The following CDH13 variants were observed in gnomAD, a reference collection of about 807,000 sequenced individuals.
CDH13 encodes the protein cadherin 13, also known as cadherin-13.
A neutral mutation model predicts 63.8 loss-of-function variants in CDH13; 24 were observed. That is an observed-to-expected ratio of 0.38 (90% CI 0.27 to 0.53). CDH13 has a LOEUF of 0.53. Ranked by LOEUF, CDH13 falls within the 20% of genes least tolerant of loss-of-function variation. CDH13 has a pLI of 0.85. For missense variants in CDH13, 1,049 were observed against 903.1 expected (o/e 1.16, Z -2.07); for synonymous variants, 503 against 355.3 (o/e 1.42, Z -4.67).
At chr16:82,741,502 A>C (rs12932668) in intron 1 of CDH13, among the ~76,000 whole-genome samples, 12,150 of 152,274 alleles carry the variant, frequency 0.08, 620 homozygotes, top group Middle Eastern at 0.17. Context: ...TTAGTCATTC[A>C]TGCGCCTTTT....
chr16:83,701,568 C>G (rs1448048930), intron 10 of CDH13, among the ~76,000 whole-genome samples: 1 of 152,172 alleles, frequency 6.6e-6, no homozygotes, highest in African/African-American at 2.4e-5. Flanking sequence ...CCTGGAGTCT[C>G]TGCATGCCTT....
intron 7 of CDH13, among the ~76,000 whole-genome samples, chr16:83,539,842 C>G (rs1475145503): frequency 6.6e-6 from 1 of 152,100 alleles, no homozygotes; most frequent in African/African-American, 2.4e-5. Flanking sequence ...AATATTTTAG[C>G]TTAATATTTG....
At chr16:83,371,468 A>G (rs75913230) in intron 6 of CDH13, among the ~76,000 whole-genome samples, 19,955 of 152,184 alleles carry the variant, frequency 0.13, 2,205 homozygotes, top group African/African-American at 0.3. Context: ...TGAAAATGCA[A>G]TGTTTATTAT....
chr16:82,957,891 G>T (rs1327057221), intron 2 of CDH13, among the ~76,000 whole-genome samples: 1 of 152,136 alleles, frequency 6.6e-6, no homozygotes, highest in Non-Finnish European at 1.5e-5. Context: ...CATGATAGCT[G>T]GAAAATGTGC....
chr16:82,981,087 G>A (rs1379555679), intron 2 of CDH13, among the ~76,000 whole-genome samples: 1 of 152,070 alleles, frequency 6.6e-6, no homozygotes, highest in African/African-American at 2.4e-5. Context: ...CCCATTCTAG[G>A]TGGTTTCCAA....
intron 1 of CDH13, among the ~76,000 whole-genome samples, chr16:82,641,283 G>C (rs1042548769): frequency 2.6e-5 from 4 of 152,210 alleles, no homozygotes; most frequent in Non-Finnish European, 4.4e-5. Flanking sequence ...ATGGGGAGCA[G>C]TCATGACTTT....
intron 2 of CDH13, among the ~76,000 whole-genome samples, chr16:82,892,994 A>G (rs1014925660): frequency 6.6e-6 from 1 of 152,264 alleles, no homozygotes; most frequent in African/African-American, 2.4e-5. Context: ...ACTTTACTAT[A>G]TACTTGTTTG....
At chr16:83,732,335 T>G (rs1911120672) in intron 10 of CDH13, among the ~76,000 whole-genome samples, 1 of 150,528 alleles carries the variant, frequency 6.6e-6, no homozygotes, top group South Asian at 2.1e-4. Context: ...AGGGGAGAGG[T>G]GAGGGGGAGA....
intron 5 of CDH13, among the ~76,000 whole-genome samples, chr16:83,323,206 CTTT>C (rs2090276782): frequency 6.9e-6 from 1 of 145,202 alleles, no homozygotes; most frequent in African/African-American, 2.6e-5. Flanking sequence ...TTCTTTCTTT[CTTT>C]CTTTCTTTCT....
intron 10 of CDH13, among the ~76,000 whole-genome samples, chr16:83,742,758 A>G (rs1455827584): frequency 3.3e-5 from 5 of 152,250 alleles, no homozygotes; most frequent in African/African-American, 1.2e-4. Context: ...CCCAGCTCTT[A>G]GTTCATGTTA....
At chr16:83,705,577 A>G (rs140047488) in intron 10 of CDH13, among the ~76,000 whole-genome samples, 43 of 152,284 alleles carry the variant, frequency 2.8e-4, no homozygotes, top group Admixed American at 2.6e-3. Context: ...AGCCGAGATC[A>G]CGCCACTGCA....
At chr16:82,676,019 G>A (rs192278112) in intron 1 of CDH13, among the ~76,000 whole-genome samples, 73 of 152,334 alleles carry the variant, frequency 4.8e-4, no homozygotes, top group African/African-American at 1.7e-3. Context: ...TCAAAGGACA[G>A]GGAAGAAAGG....
intron 5 of CDH13, among the ~76,000 whole-genome samples, chr16:83,226,801 G>A (rs145705491): frequency 1.8e-4 from 27 of 152,296 alleles, no homozygotes; most frequent in African/African-American, 5.5e-4. Flanking sequence ...TGGCTATGAC[G>A]AGCATTGTGA....
At chr16:83,116,432 C>A (rs1251022931) in intron 3 of CDH13, among the ~76,000 whole-genome samples, 2 of 152,200 alleles carry the variant, frequency 1.3e-5, no homozygotes, top group Non-Finnish European at 2.9e-5. Context: ...ATGGTCCCAC[C>A]TGGAAGCCAG....
intron 1 of CDH13, among the ~76,000 whole-genome samples, chr16:82,698,636 T>C: frequency 6.6e-6 from 1 of 152,200 alleles, no homozygotes; most frequent in African/African-American, 2.4e-5. Flanking sequence ...CAGGTGATTT[T>C]CAAGCCTGTT....
intron 7 of CDH13, among the ~76,000 whole-genome samples, chr16:83,591,985 G>C (rs1906801442): frequency 6.6e-6 from 1 of 152,170 alleles, no homozygotes; most frequent in African/African-American, 2.4e-5. Context: ...GGTAGGGTAT[G>C]CCCTTCTGCA....
chr16:82,695,201 C>CA lies in CDH13; in HGVS notation c.45+68066dup, dbSNP rs371088358. 4.5e-3 allele frequency among the ~76,000 whole-genome samples: 690 copies of CA among 152,112 alleles called. 5 individuals are homozygous for CA. The highest frequency in any genetic ancestry group is 0.016 in the African/African-American group (652 of 41,494). On this transcript the variant is annotated intron_variant, in intron 1 of 13. Coordinates refer to ENST00000567109, the MANE Select transcript of CDH13 (RefSeq NM_001257.5). ...CAACCTAGCTGCTTTGTGCCTGGGG[C>CA]AATGAGGAGGCTGTGAAGCATCAAC...
At chr16:83,467,294 T>C (rs1169208525) in intron 6 of CDH13, among the ~76,000 whole-genome samples, 1 of 152,186 alleles carries the variant, frequency 6.6e-6, no homozygotes, top group Non-Finnish European at 1.5e-5. Flanking sequence ...TGTCCATGTT[T>C]TTATAGAAAA....
At chr16:83,752,032 C>T (rs1425659411) in intron 11 of CDH13, among the ~76,000 whole-genome samples, 1 of 152,150 alleles carries the variant, frequency 6.6e-6, no homozygotes, top group African/African-American at 2.4e-5. Flanking sequence ...GTACTGAGTA[C>T]AGAATCAGGG....
Sources: gnomAD v4.1 joint callset for allele counts (sites outside exome capture counted in the v4.1 genomes callset) on GRCh38, gnomAD v4.1.1 for gene constraint, MANE v1.5 for transcripts, NCBI Gene and HGNC (gene_info 2026-07-23, HGNC 2026-07-21) for gene names.